The following GLRA3 variants were observed in gnomAD, a reference collection of about 807,000 sequenced individuals.
GLRA3 encodes the protein glycine receptor alpha 3.
In GLRA3, 44 loss-of-function variants were observed where a neutral mutation model predicts 60.4. That is an observed-to-expected ratio of 0.73 (90% CI 0.57 to 0.94). GLRA3 has a LOEUF of 0.94. GLRA3 is among the 40% of genes least tolerant of loss of function. GLRA3 has a pLI of 0.00. For missense variants in GLRA3, 508 were observed against 564.6 expected, an observed-to-expected ratio of 0.90 and a Z score of 1.02; for synonymous variants, 223 against 192.9, an observed-to-expected ratio of 1.16 and a Z score of -1.29.
intron 2 of GLRA3, among the ~76,000 whole-genome samples, chr4:174,785,718 G>A (rs1739099052): frequency 6.6e-6 from 1 of 152,056 alleles, no homozygotes; most frequent in African/African-American, 2.4e-5. Flanking sequence ...AAGAAGTGAG[G>A]ATCAAATCAT....
At chr4:174,696,854 G>A (rs1735077929) in intron 5 of GLRA3, among the ~76,000 whole-genome samples, 1 of 152,188 alleles carries the variant, frequency 6.6e-6, no homozygotes. Flanking sequence ...GTAAGGAAGA[G>A]AAAGTAAAAG....
At position 174,829,037 on chromosome 4, in the gene GLRA3, T is replaced by C; in HGVS notation, c.-226A>G. On this transcript the variant is annotated 5_prime_UTR_variant, in exon 1 of 10. Coordinates refer to ENST00000274093, the MANE Select transcript of GLRA3 (RefSeq NM_006529.4). The stretch of plus-strand genomic sequence containing the variant: ...ATAAATGTGCAGGTGATTTTTACAG[T>C]GAAATTACAAAAATGAGTGAGATGA... The C allele has an allele frequency of 2.1e-6, 1 of 474,476 alleles. No homozygotes were observed. The highest frequency in any genetic ancestry group is 3.8e-6 in the Non-Finnish European group (1 of 264,266). 29.4% of individuals were successfully genotyped at this position (474,476 alleles called of 1,614,324 possible).
At chr4:174,728,925 T>TA (rs949054126) in intron 3 of GLRA3, among the ~76,000 whole-genome samples, 1 of 152,144 alleles carries the variant, frequency 6.6e-6, no homozygotes, top group African/African-American at 2.4e-5. Flanking sequence ...AAAACTCCTC[T>TA]AAAAAATAAA....
At chr4:174,729,070 A>G (rs1445305089) in intron 3 of GLRA3, among the ~76,000 whole-genome samples, 1 of 152,190 alleles carries the variant, frequency 6.6e-6, no homozygotes, top group Non-Finnish European at 1.5e-5. Flanking sequence ...CAGTCATCCT[A>G]GTTCTGAGGT....
At position 174,752,099 on chromosome 4, in the gene GLRA3, T is replaced by C. The variant is rs934423604; in HGVS notation, c.267+14864A>G. On this transcript the variant is annotated intron_variant, in intron 3 of 9. Transcript: ENST00000274093. ...ATGGATGAGGAATAGCAATTATCTT[T>C]ATAGCTAGTTATAATATGAAAAGAA... Among the ~76,000 whole-genome samples the C allele has an allele frequency of 3.6e-4, 55 of 152,136 alleles. 1 individual carries two copies. Among genetic ancestry groups the C allele is most frequent in the African/African-American group, 2.4e-5 (1 of 41,446 alleles).
chr4:174,742,578 C>T (rs1489398596), intron 3 of GLRA3, among the ~76,000 whole-genome samples: 1 of 152,136 alleles, frequency 6.6e-6, no homozygotes, highest in Non-Finnish European at 1.5e-5. Context: ...ATCTCTCTCT[C>T]CTTTGTTTCT....
At chr4:174,774,860 A>G (rs1303591940) in intron 2 of GLRA3, among the ~76,000 whole-genome samples, 1 of 152,158 alleles carries the variant, frequency 6.6e-6, no homozygotes, top group Non-Finnish European at 1.5e-5. Context: ...TAATGGTTAG[A>G]TTGTGATTAT....
At chr4:174,660,004 G>C (rs1397095818) in intron 7 of GLRA3, among the ~76,000 whole-genome samples, 1 of 150,570 alleles carries the variant, frequency 6.6e-6, no homozygotes, top group Non-Finnish European at 1.5e-5. Context: ...AGGACTATCA[G>C]CTTCTTCAGT....
chr4:174,656,709 A>C, intron 9 of GLRA3, 34 bp downstream of exon 9: 1 of 1,212,264 alleles, frequency 8.2e-7, no homozygotes, highest in Non-Finnish European at 1.2e-6. Flanking sequence ...TGATGACCAC[A>C]TTCCTCTATT....
intron 2 of GLRA3, among the ~76,000 whole-genome samples, chr4:174,778,996 G>C (rs1340539126): frequency 6.6e-6 from 1 of 152,200 alleles, no homozygotes; most frequent in Non-Finnish European, 1.5e-5. Flanking sequence ...GCCTGCCTCT[G>C]TAGGCTCCAC....
chr4:174,806,558 G>A (rs1740060224), intron 1 of GLRA3, among the ~76,000 whole-genome samples: 1 of 151,992 alleles, frequency 6.6e-6, no homozygotes, highest in South Asian at 2.1e-4. Context: ...ATATGTAAAG[G>A]CTTTATTTCC....
chr4:174,646,218 T>G (rs1339401979), intron 9 of GLRA3, among the ~76,000 whole-genome samples: 2 of 152,232 alleles, frequency 1.3e-5, no homozygotes, highest in Non-Finnish European at 2.9e-5. Flanking sequence ...ATTGACTACC[T>G]TTCTAATGAT....
At chr4:174,821,500 C>A (rs943466756) in intron 1 of GLRA3, among the ~76,000 whole-genome samples, 3 of 151,844 alleles carry the variant, frequency 2.0e-5, no homozygotes, top group Non-Finnish European at 4.4e-5. Context: ...GGTGGGTGGG[C>A]AGAAGTTTTT....
intron 2 of GLRA3, among the ~76,000 whole-genome samples, chr4:174,777,545 G>T (rs1359834405): frequency 6.6e-6 from 1 of 152,148 alleles, no homozygotes; most frequent in African/African-American, 2.4e-5. Context: ...GGTAGATGAG[G>T]GGAAGTGGGA....
At chr4:174,645,417 C>A in intron 9 of GLRA3, among the ~76,000 whole-genome samples, 1 of 114,262 alleles carries the variant, frequency 8.8e-6, no homozygotes, top group Non-Finnish European at 1.6e-5. Context: ...GAGACTCCGT[C>A]TCCAAAAAAA....
chr4:174,743,636 T>C (rs915638354), intron 3 of GLRA3, among the ~76,000 whole-genome samples: 2 of 152,172 alleles, frequency 1.3e-5, no homozygotes, highest in Non-Finnish European at 2.9e-5. Flanking sequence ...GGTCACTTGA[T>C]TAAAGAAGTA....
intron 5 of GLRA3, among the ~76,000 whole-genome samples, chr4:174,697,352 C>G (rs1444342863): frequency 1.3e-5 from 2 of 152,136 alleles, no homozygotes; most frequent in East Asian, 3.9e-4. Context: ...TAATTAGCAG[C>G]TGGAATTCAA....
chr4:174,735,857 TG>T (rs1472650686), intron 3 of GLRA3, among the ~76,000 whole-genome samples: 1 of 152,200 alleles, frequency 6.6e-6, no homozygotes, highest in African/African-American at 2.4e-5. Flanking sequence ...GGCCTCATTT[TG>T]TATATTTAAT....
chr4:174,680,008 T>C (rs1303587114), intron 6 of GLRA3, among the ~76,000 whole-genome samples: 2 of 152,180 alleles, frequency 1.3e-5, no homozygotes, highest in Non-Finnish European at 2.9e-5. Context: ...ATTTGGAATG[T>C]TCCCAACACA....
Sources: gnomAD v4.1 joint callset for allele counts (sites outside exome capture counted in the v4.1 genomes callset) on GRCh38, gnomAD v4.1.1 for gene constraint, MANE v1.5 for transcripts, NCBI Gene and HGNC (gene_info 2026-07-23, HGNC 2026-07-21) for gene names.